The following TMEM132D variants were observed in gnomAD, a reference collection of about 807,000 sequenced individuals.
The protein encoded by TMEM132D is transmembrane protein 132D.
A neutral mutation model predicts 62.3 loss-of-function variants in TMEM132D; 21 were observed. The observed-to-expected ratio is 0.34, with a 90% CI of 0.24 to 0.49. The LOEUF is 0.49. TMEM132D is among the 20% of genes least tolerant of loss of function. TMEM132D has a pLI of 0.99. For synonymous variants in TMEM132D, 621 were observed against 575.6 expected (o/e 1.08, Z -1.13); for missense variants, 1,346 against 1,402.8 (o/e 0.96, Z 0.65).
chr12:129,496,383 G>A (rs1874957420), intron 3 of TMEM132D, among the ~76,000 whole-genome samples: 2 of 152,116 alleles, frequency 1.3e-5, no homozygotes, highest in South Asian at 2.1e-4. Context: ...TCTATCACCG[G>A]CTGTGACAAG....
Position 129,541,954 on chromosome 12 carries a change from AC to A in TMEM132D, c.969-10750del, listed in dbSNP as rs375542234. On this transcript the variant is annotated intron_variant, in intron 2 of 8. Transcript: ENST00000422113. ...AACAAAGCCCTGACTCTTCTTAAAA[AC>A]AAACAAACAAAAACAAAGCAAAACA... 1.9e-4 allele frequency among the ~76,000 whole-genome samples: 29 copies of A among 152,262 alleles called. No individual in the cohort carries two copies. The East Asian group carries it at 5.0e-3, about 26-fold the overall frequency.
intron 5 of TMEM132D, among the ~76,000 whole-genome samples, chr12:129,121,970 G>A (rs1480608296): frequency 6.6e-6 from 1 of 152,202 alleles, no homozygotes; most frequent in Non-Finnish European, 1.5e-5. Flanking sequence ...TGGGCAGGTT[G>A]AGGGAGACGA....
At chr12:129,645,974 A>G (rs930003596) in intron 2 of TMEM132D, among the ~76,000 whole-genome samples, 1 of 152,100 alleles carries the variant, frequency 6.6e-6, no homozygotes, top group African/African-American at 2.4e-5. Flanking sequence ...ATATTCCACC[A>G]TTTGTTGAGC....
intron 4 of TMEM132D, among the ~76,000 whole-genome samples, chr12:129,323,209 C>T (rs1363954737): frequency 2.6e-5 from 4 of 151,972 alleles, no homozygotes; most frequent in Admixed American, 2.6e-4. Context: ...TTAAAATGTC[C>T]CTTCTTCCCA....
intron 2 of TMEM132D, among the ~76,000 whole-genome samples, chr12:129,636,864 T>C (rs1879496653): frequency 6.6e-6 from 1 of 152,010 alleles, no homozygotes; most frequent in African/African-American, 2.4e-5. Flanking sequence ...TATTTGACAA[T>C]TGGAATTGTC....
At chr12:129,874,092 C>T (rs1874337201) in intron 1 of TMEM132D, among the ~76,000 whole-genome samples, 2 of 152,214 alleles carry the variant, frequency 1.3e-5, no homozygotes, top group Non-Finnish European at 2.9e-5. Context: ...ACGTGCAGCA[C>T]TTTGACTGTA....
chr12:129,319,383 G>C (rs1868606763), intron 4 of TMEM132D, among the ~76,000 whole-genome samples: 1 of 152,184 alleles, frequency 6.6e-6, no homozygotes, highest in Non-Finnish European at 1.5e-5. Flanking sequence ...CTTCTCCAGT[G>C]GGGGTGTGTG....
At position 129,829,967 on chromosome 12, in the gene TMEM132D, T is replaced by C. The variant is rs146511510; in HGVS notation, c.79+73294A>G. On this transcript the variant is annotated intron_variant, in intron 1 of 8. Transcript: ENST00000422113. The stretch of plus-strand genomic sequence containing the variant: ...TGTTTGTCTCCTTTCAGGTTATATT[T>C]CATTACTTACTTGTGAAAAAGAATC... 3.2e-3 allele frequency among the ~76,000 whole-genome samples: 482 copies of C among 152,236 alleles called. 2 individuals are homozygous for C. The highest frequency in any genetic ancestry group is 0.011 in the African/African-American group (458 of 41,534).
intron 5 of TMEM132D, among the ~76,000 whole-genome samples, chr12:129,184,632 T>TC (rs141676331): frequency 6.6e-6 from 1 of 152,336 alleles, no homozygotes; most frequent in East Asian, 1.9e-4. Context: ...TCACTGCACT[T>TC]CAGGCACAAT....
At chr12:129,593,795 T>G (rs1369182207) in intron 2 of TMEM132D, among the ~76,000 whole-genome samples, 1 of 152,196 alleles carries the variant, frequency 6.6e-6, no homozygotes, top group Non-Finnish European at 1.5e-5. Context: ...GAAATGCAGC[T>G]GGCATCAAAC....
intron 2 of TMEM132D, among the ~76,000 whole-genome samples, chr12:129,582,680 G>A (rs991964792): frequency 6.7e-5 from 10 of 149,664 alleles, no homozygotes; most frequent in African/African-American, 1.7e-4. Flanking sequence ...GTGCAGTGGT[G>A]TGATCTCGGC....
Position 129,862,654 on chromosome 12 carries a change from C to T in TMEM132D, c.79+40607G>A, listed in dbSNP as rs145646934. Among the ~76,000 whole-genome samples, 58 of 152,278 alleles carry T rather than the reference C, an allele frequency of 3.8e-4. No homozygotes were observed. In the East Asian group the frequency reaches 0.011, roughly 28 times the overall value. ...ATTTAGAAATAAATCTAATAGAGTGCCTTTCATGCTGGAGGACTGTTTATT... is the reference window on the plus strand; with the variant it reads ...ATTTAGAAATAAATCTAATAGAGTGTCTTTCATGCTGGAGGACTGTTTATT... On this transcript the variant is annotated intron_variant, in intron 1 of 8. Transcript: ENST00000422113.
chr12:129,117,758 T>C (rs542894171), intron 5 of TMEM132D, among the ~76,000 whole-genome samples: 21 of 152,346 alleles, frequency 1.4e-4, no homozygotes, highest in African/African-American at 5.0e-4. Context: ...AGACTACATG[T>C]CTCCTTTTAA....
chr12:129,623,896 A>G (rs150219078), intron 2 of TMEM132D, among the ~76,000 whole-genome samples: 135 of 152,184 alleles, frequency 8.9e-4, no homozygotes, highest in Non-Finnish European at 1.4e-3. Context: ...TGTCTTTATT[A>G]TATAATGATT....
intron 4 of TMEM132D, among the ~76,000 whole-genome samples, chr12:129,248,369 T>G (rs1041835262): frequency 6.6e-6 from 1 of 152,152 alleles, no homozygotes; most frequent in African/African-American, 2.4e-5. Flanking sequence ...TCCTTGCAAG[T>G]AAAATATCCG....
rs376146393 is a variant in TMEM132D at position 129,840,819 on chromosome 12, G to A, written c.79+62442C>T. On this transcript the variant is annotated intron_variant, in intron 1 of 8. Transcript: ENST00000422113. ...CAAGGACCCCCGCCTCATGGGATTT[G>A]TAACAATTAAATAAGACAATACTCG... Among the ~76,000 whole-genome samples the A allele has an allele frequency of 2.6e-5, 4 of 152,208 alleles. No homozygotes were observed. In the East Asian group the frequency reaches 5.8e-4, roughly 22 times the overall value.
At chr12:129,885,436 C>T (rs1874721129) in intron 1 of TMEM132D, among the ~76,000 whole-genome samples, 3 of 152,190 alleles carry the variant, frequency 2.0e-5, no homozygotes, top group South Asian at 2.1e-4. Context: ...ATATCAGAAT[C>T]ACTTTGGGAG....
At chr12:129,299,210 G>A (rs1241295619) in intron 4 of TMEM132D, among the ~76,000 whole-genome samples, 1 of 152,152 alleles carries the variant, frequency 6.6e-6, no homozygotes, top group East Asian at 1.9e-4. Flanking sequence ...GACTGTGAAT[G>A]GAAAGAATGG....
intron 3 of TMEM132D, among the ~76,000 whole-genome samples, chr12:129,439,941 A>G (rs1218551046): frequency 3.3e-5 from 5 of 152,170 alleles, no homozygotes; most frequent in South Asian, 2.1e-4. Context: ...GGATTATGTC[A>G]TGGTTCCAAG....
Sources: gnomAD v4.1 joint callset for allele counts (sites outside exome capture counted in the v4.1 genomes callset) on GRCh38, gnomAD v4.1.1 for gene constraint, MANE v1.5 for transcripts, NCBI Gene and HGNC (gene_info 2026-07-23, HGNC 2026-07-21) for gene names.